GOLGA4: variants seen among roughly 807,000 people sequenced by gnomAD.
GOLGA4 encodes golgin A4, also known as golgin subfamily A member 4.
Under a neutral mutation model 265.9 loss-of-function variants are expected in GOLGA4, and 169 were observed. The ratio of observed to expected loss-of-function variants is 0.64; its 90% CI spans 0.56 to 0.72. GOLGA4 has a LOEUF of 0.72. Among genes scored for constraint, GOLGA4 ranks in the 30% least tolerant of loss-of-function variants. GOLGA4 has a pLI of 0.00. For synonymous variants in GOLGA4, 923 were observed against 855.8 expected (o/e 1.08, Z -1.37); for missense variants, 2,482 against 2,483.4 (o/e 1.00, Z 0.01).
intron 2 of GOLGA4, among the ~76,000 whole-genome samples, chr3:37,262,260 C>T (rs1047346282): frequency 9.2e-5 from 14 of 152,104 alleles, no homozygotes; most frequent in African/African-American, 3.4e-4. Flanking sequence ...AATCTCAGCA[C>T]TTTGGGAGGC....
chr3:37,288,797 T>C (rs944305454), intron 4 of GOLGA4, among the ~76,000 whole-genome samples: 21 of 152,214 alleles, frequency 1.4e-4, no homozygotes, highest in African/African-American at 4.8e-4. Flanking sequence ...TTTTTAAATA[T>C]AGACAATTAT....
At chr3:37,313,446 T>A (rs1351987679) in intron 10 of GOLGA4, 6 of 152,206 alleles carry the variant, frequency 3.9e-5, no homozygotes, top group African/African-American at 1.4e-4. Context: ...AGTTCCCACA[T>A]TTCTTATACC....
chr3:37,281,579 G>T (rs777201513), intron 2 of GOLGA4, among the ~76,000 whole-genome samples: 21 of 152,346 alleles, frequency 1.4e-4, no homozygotes, highest in Middle Eastern at 3.4e-3. Flanking sequence ...TACAGATGGT[G>T]TATGGAGATG....
At chr3:37,259,312 G>A (rs2096762976) in intron 2 of GOLGA4, among the ~76,000 whole-genome samples, 1 of 152,176 alleles carries the variant, frequency 6.6e-6, no homozygotes, top group Non-Finnish European at 1.5e-5. Context: ...GTAAGGAACT[G>A]TAGCCTAACT....
chr3:37,323,812 G>T lies in GOLGA4; in HGVS notation c.1926G>T (p.Met642Ile), dbSNP rs775815784. ...QVLKQQYQTE[M>I]EKLREKCEQE... ...TAAAGCAACAATATCAGACTGAAATGGAAAAACTTAGGGAAAAGTGTGAAC... is the reference window on the plus strand; with the variant it reads ...TAAAGCAACAATATCAGACTGAAATTGAAAAACTTAGGGAAAAGTGTGAAC... Residue 642 changes from methionine (M) to isoleucine (I), a missense_variant, in exon 14 of 24, where the codon ATG becomes ATT. Physicochemically the swap from Met to Ile is conservative, Grantham distance 10. Coordinates refer to ENST00000361924, the MANE Select transcript of GOLGA4 (RefSeq NM_002078.5). The T allele has an allele frequency of 1.9e-6, 3 of 1,609,442 alleles. No homozygotes were observed. The highest frequency in any genetic ancestry group is 2.2e-5 in the East Asian group (1 of 44,830).
chr3:37,350,661 G>A (rs1168228707), intron 21 of GOLGA4, among the ~76,000 whole-genome samples: 1 of 152,104 alleles, frequency 6.6e-6, no homozygotes, highest in Non-Finnish European at 1.5e-5. Context: ...TACCTTGGAG[G>A]TATTACGGGT....
chr3:37,263,074 G>T (rs1357603593), intron 2 of GOLGA4, among the ~76,000 whole-genome samples: 2 of 152,172 alleles, frequency 1.3e-5, no homozygotes, highest in Non-Finnish European at 2.9e-5. Flanking sequence ...ATAAATGAGT[G>T]CCCTATAGAG....
In GOLGA4 at chr3:37,347,997, G is replaced by GT. The variant is rs1396871906; in HGVS notation, c.6576+708dup. ...AAATTTTTCATTTAAAGCAGTTTCT[G>GT]TTTTTTTGACATTTTTTACCTTCAT... On this transcript the variant is annotated intron_variant, in intron 21 of 23. Transcript: ENST00000361924. Among the ~76,000 whole-genome samples the GT allele has an allele frequency of 8.5e-5, 13 of 152,092 alleles. No homozygotes were observed. The East Asian group carries it at 2.1e-3, about 25-fold the overall frequency.
Position 37,326,777 on chromosome 3 carries a change from T to G in GOLGA4, c.4891T>G (p.Ser1631Ala). The G allele has an allele frequency of 6.2e-7, 1 of 1,613,556 alleles. No homozygotes were observed. The highest frequency in any genetic ancestry group is 8.5e-7 in the Non-Finnish European group (1 of 1,179,686). Reference sequence around the variant, plus strand: ...AAAGGCATTGGAAGATAGGCTTGAGTCAGAAAGTGCTGCAAAATTAGCAGA... The same window carrying G: ...AAAGGCATTGGAAGATAGGCTTGAGGCAGAAAGTGCTGCAAAATTAGCAGA... ...ELKALEDRLE[S>A]ESAAKLAELK... The change falls in exon 14 of 24, where the codon TCA (serine) becomes GCA (alanine). Residue 1631 changes from serine (S) to alanine (A), a missense_variant. Around this residue, in one of 3 missense-constraint regions of GOLGA4, gnomAD observed 942 missense variants for 983.1 expected, o/e 0.96. Coordinates refer to ENST00000361924, the MANE Select transcript of GOLGA4 (RefSeq NM_002078.5).
chr3:37,268,495 A>G (rs964053410), intron 2 of GOLGA4, among the ~76,000 whole-genome samples: 2 of 151,890 alleles, frequency 1.3e-5, no homozygotes, highest in Non-Finnish European at 2.9e-5. Context: ...TTCCATAAGT[A>G]CATTAAAGTC....
chr3:37,362,780 CTTTTT>C (rs71094906), intron 23 of GOLGA4, among the ~76,000 whole-genome samples: 3 of 75,462 alleles, frequency 4.0e-5, no homozygotes, highest in Admixed American at 1.5e-4. Context: ...AGCCTCTAAG[CTTTTT>C]TTTTTTTTTT....
At position 37,326,248 on chromosome 3, in the gene GOLGA4, A is replaced by G; in HGVS notation, c.4362A>G (p.Thr1454=). The change falls in exon 14 of 24, where the codon ACA becomes ACG. Residue 1454 remains threonine, a synonymous_variant. Coordinates refer to ENST00000361924, the MANE Select transcript of GOLGA4 (RefSeq NM_002078.5). ...EWKKKAQSRF[T]QHQNTVKELQ... Reference sequence around the variant, plus strand: ...AGAAGAAAGCACAGTCAAGATTTACACAGCATCAAAACACTGTTAAAGAAT... The same window carrying G: ...AGAAGAAAGCACAGTCAAGATTTACGCAGCATCAAAACACTGTTAAAGAAT... 1 of 1,613,818 alleles carries G rather than the reference A, an allele frequency of 6.2e-7. No individual in the cohort carries two copies. The highest frequency in any genetic ancestry group is 2.2e-5 in the East Asian group (1 of 44,850).
chr3:37,284,569 A>G (rs902476583), intron 3 of GOLGA4, among the ~76,000 whole-genome samples: 5 of 150,678 alleles, frequency 3.3e-5, no homozygotes, highest in African/African-American at 9.8e-5. Context: ...CCATTTTTCT[A>G]TCTGGTGTTA....
chr3:37,358,864 G>A (rs1325285180), intron 22 of GOLGA4, among the ~76,000 whole-genome samples: 2 of 152,170 alleles, frequency 1.3e-5, no homozygotes, highest in Admixed American at 1.3e-4. Context: ...TTGCTGGGAT[G>A]AGAGCCTAGA....
At chr3:37,314,747 T>C (rs1313983315) in intron 10 of GOLGA4, among the ~76,000 whole-genome samples, 2 of 151,900 alleles carry the variant, frequency 1.3e-5, no homozygotes, top group East Asian at 1.9e-4. Flanking sequence ...TTCCTTATCT[T>C]ACCCAAAAAC....
At chr3:37,332,114 G>C (rs1482395730) in intron 16 of GOLGA4, among the ~76,000 whole-genome samples, 1 of 152,190 alleles carries the variant, frequency 6.6e-6, no homozygotes, top group Admixed American at 6.5e-5. Context: ...GGAAACAAAG[G>C]TGTGATTTAT....
chr3:37,351,802 T>C (rs2097075382), intron 21 of GOLGA4, among the ~76,000 whole-genome samples: 1 of 152,108 alleles, frequency 6.6e-6, no homozygotes, highest in Non-Finnish European at 1.5e-5. Context: ...ACAGGTGTGC[T>C]ATCATCCAGG....
chr3:37,350,675 G>A (rs892673543), intron 21 of GOLGA4, among the ~76,000 whole-genome samples: 2 of 152,058 alleles, frequency 1.3e-5, no homozygotes, highest in African/African-American at 4.8e-5. Flanking sequence ...TACGGGTTCA[G>A]TTCTAGACCA....
chr3:37,305,553 G>A (rs2096903935), intron 10 of GOLGA4, among the ~76,000 whole-genome samples: 1 of 152,304 alleles, frequency 6.6e-6, no homozygotes, highest in Non-Finnish European at 1.5e-5. Context: ...AAAGGTCAAT[G>A]TAAAGGAAGT....
Sources: allele counts gnomAD v4.1 joint callset (sites outside exome capture counted in the v4.1 genomes callset), GRCh38; gene constraint gnomAD v4.1.1; regional missense constraint gnomAD v4.1.1; transcripts MANE v1.5; gene names NCBI Gene and HGNC (gene_info 2026-07-23, HGNC 2026-07-21).